PRDM16: variants seen among roughly 807,000 people sequenced by gnomAD.
PRDM16 encodes the protein histone-lysine N-methyltransferase PRDM16.
A neutral mutation model predicts 110.6 loss-of-function variants in PRDM16; 23 were observed. That is an observed-to-expected ratio of 0.21 (90% CI 0.15 to 0.29). The LOEUF is 0.29. Among genes scored for constraint, PRDM16 ranks in the 10% least tolerant of loss-of-function variants. The pLI is 1.00. For synonymous variants in PRDM16, 799 were observed against 781.8 expected (o/e 1.02, Z -0.37); for missense variants, 1,615 against 1,794.3 (o/e 0.90, Z 1.81).
intron 2 of PRDM16, among the ~76,000 whole-genome samples, chr1:3,219,066 C>T (rs964963915): frequency 1.3e-5 from 2 of 152,156 alleles, no homozygotes; most frequent in Non-Finnish European, 2.9e-5. Context: ...TGCACACTGC[C>T]GCGAGGAGGG....
chr1:3,345,653 C>T (rs372625563), intron 3 of PRDM16, among the ~76,000 whole-genome samples: 6 of 152,224 alleles, frequency 3.9e-5, no homozygotes, highest in East Asian at 3.8e-4. Context: ...AATGTGTCAC[C>T]GGGATGCAGC....
At chr1:3,094,572 A>G (rs937658081) in intron 1 of PRDM16, among the ~76,000 whole-genome samples, 1 of 152,216 alleles carries the variant, frequency 6.6e-6, no homozygotes, top group Non-Finnish European at 1.5e-5. Context: ...GGGACGCTAT[A>G]AAGCTTGGCC....
At chr1:3,328,524 TG>T (rs1455522216) in intron 3 of PRDM16, among the ~76,000 whole-genome samples, 5 of 152,198 alleles carry the variant, frequency 3.3e-5, no homozygotes, top group Non-Finnish European at 7.4e-5. Context: ...GGAGACCCTG[TG>T]GGTTCAAAGG....
In PRDM16 at chr1:3,411,675, C is replaced by G. The variant is rs368384353; in HGVS notation, c.1478C>G (p.Pro493Arg). Residue 493 changes from proline (P) to arginine (R), a missense_variant, in exon 9 of 17, where the codon CCG (proline) becomes CGG (arginine). Around this residue, in one of 5 missense-constraint regions of PRDM16, gnomAD observed 772 missense variants for 748.3 expected, o/e 1.03. Coordinates refer to ENST00000270722, the MANE Select transcript of PRDM16 (RefSeq NM_022114.4). ...TTCAACGAGTACTTTCCCTCCAGGC[C>G]GCACCCGGGGAGCCTGCCCTTCTCC... ...LGFNEYFPSR[P>R]HPGSLPFSTA... 11 of 1,611,790 alleles carry G rather than the reference C, an allele frequency of 6.8e-6. No individual in the cohort carries two copies. In the Admixed American group the frequency reaches 1.8e-4, roughly 27 times the overall value.
Position 3,165,239 on chromosome 1 carries a change from A to G in PRDM16, c.38-20886A>G, listed in dbSNP as rs146744082. Among the ~76,000 whole-genome samples, 89 of 139,098 alleles carry G rather than the reference A, an allele frequency of 6.4e-4. 2 individuals carry two copies. The highest frequency in any genetic ancestry group is 2.3e-3 in the East Asian group (8 of 3,468). The allele number at this position is 139,098 out of a possible 152,430, so 91.3% of individuals were successfully genotyped here. Reference sequence around the variant, plus strand: ...CATGGACTCACCTGGGCTCAGGGACAGTGACTTACCTGGGCTCAGGGACAG... The same window carrying G: ...CATGGACTCACCTGGGCTCAGGGACGGTGACTTACCTGGGCTCAGGGACAG... On this transcript the variant is annotated intron_variant, in intron 1 of 16. Transcript: ENST00000270722.
At chr1:3,189,019 C>T (rs942562597) in intron 2 of PRDM16, among the ~76,000 whole-genome samples, 2 of 152,214 alleles carry the variant, frequency 1.3e-5, no homozygotes, top group Non-Finnish European at 2.9e-5. Context: ...ATTGCTATTT[C>T]CCCCTGGTTT....
intron 16 of PRDM16, among the ~76,000 whole-genome samples, chr1:3,432,435 G>A (rs1236029120): frequency 1.3e-5 from 2 of 152,212 alleles, no homozygotes; most frequent in Non-Finnish European, 2.9e-5. Context: ...CTGTGAGCAG[G>A]TTTCTGGCCC....
intron 1 of PRDM16, among the ~76,000 whole-genome samples, chr1:3,161,188 G>A (rs74050140): frequency 0.013 from 2,035 of 152,284 alleles, 45 homozygotes; most frequent in African/African-American, 0.045. Context: ...GGAAAGTTCC[G>A]GCAGAACAGG....
chr1:3,075,105 C>A (rs1641867649), intron 1 of PRDM16, among the ~76,000 whole-genome samples: 1 of 152,270 alleles, frequency 6.6e-6, no homozygotes, highest in Non-Finnish European at 1.5e-5. Flanking sequence ...GGCTGGCCCG[C>A]CTGGCCGGCC....
chr1:3,352,642 T>C (rs1480782971), intron 3 of PRDM16, among the ~76,000 whole-genome samples: 2 of 152,258 alleles, frequency 1.3e-5, no homozygotes, highest in Non-Finnish European at 2.9e-5. Flanking sequence ...CCCGAATACT[T>C]GCGCTGGAAT....
chr1:3,205,699 C>T (rs113899766), intron 2 of PRDM16, among the ~76,000 whole-genome samples: 3 of 152,098 alleles, frequency 2.0e-5, no homozygotes, highest in South Asian at 2.1e-4. Flanking sequence ...AGGGCGGGCT[C>T]GGTGGAGGTA....
chr1:3,154,051 C>G (rs541767464), intron 1 of PRDM16, among the ~76,000 whole-genome samples: 1 of 152,204 alleles, frequency 6.6e-6, no homozygotes, highest in Non-Finnish European at 1.5e-5. Flanking sequence ...CTCCCCTTCC[C>G]GTGCACTCTC....
At chr1:3,249,676 C>G (rs918457829) in intron 3 of PRDM16, among the ~76,000 whole-genome samples, 3 of 152,168 alleles carry the variant, frequency 2.0e-5, no homozygotes, top group Non-Finnish European at 2.9e-5. Flanking sequence ...GAGACAGCCC[C>G]GAGTTGATTT....
rs1642539024 is a variant in PRDM16, at chr1:3,353,703, GT to G, written c.439-31448del. On this transcript the variant is annotated intron_variant, in intron 3 of 16. Coordinates refer to ENST00000270722, the MANE Select transcript of PRDM16 (RefSeq NM_022114.4). This position sits in a 1 kb window ranked among gnomAD's most constrained non-coding sequence, Gnocchi z 5.4. ...AACAGGACAATCCTAGCTCAGGCTG[GT>G]GGAGGTTTGGGGATGCCGAAGCAGC... Among the ~76,000 whole-genome samples, 1 of 152,224 alleles carries G rather than the reference GT, an allele frequency of 6.6e-6. No homozygotes were observed. Among genetic ancestry groups the G allele is most frequent in the South Asian group, 2.1e-4 (1 of 4,838 alleles).
intron 2 of PRDM16, among the ~76,000 whole-genome samples, chr1:3,237,537 A>T (rs1639564999): frequency 6.6e-6 from 1 of 152,212 alleles, no homozygotes; most frequent in African/African-American, 2.4e-5. Flanking sequence ...AAATGTCTCC[A>T]AGGCACTCTC....
intron 3 of PRDM16, among the ~76,000 whole-genome samples, chr1:3,277,796 A>AACGCACACACAG (rs1640625005): frequency 2.0e-5 from 3 of 151,774 alleles, no homozygotes; most frequent in African/African-American, 7.3e-5. Context: ...TGCACACACA[A>AACGCACACACAG]ACGCACAGTT....
rs763028317 is a variant in PRDM16 at position 3,411,899 on chromosome 1, G to A, written c.1702G>A (p.Gly568Ser). ...CTCCGCCGTCAGCAACAGCAGCCAG[G>A]GCACGACGGCAGCTGCGGGGCCCGA... is the stretch of plus-strand genomic sequence containing the variant. ...LVSAVSNSSQ[G>S]TTAAAGPEEK... The change falls in exon 9 of 17, where the codon GGC (glycine) becomes AGC (serine). Residue 568 changes from glycine to serine, a missense_variant. Transcript: ENST00000270722. The A allele has an allele frequency of 6.8e-6, 11 of 1,613,658 alleles. No homozygotes were observed. In the East Asian group the frequency reaches 8.9e-5, roughly 13 times the overall value.
At chr1:3,183,051 C>G (rs1644229564) in intron 1 of PRDM16, among the ~76,000 whole-genome samples, 1 of 152,232 alleles carries the variant, frequency 6.6e-6, no homozygotes, top group Non-Finnish European at 1.5e-5. Flanking sequence ...GATGTCAGGT[C>G]TCCTGACAAG....
intron 1 of PRDM16, among the ~76,000 whole-genome samples, chr1:3,115,633 G>A (rs891373959): frequency 6.6e-5 from 10 of 151,954 alleles, no homozygotes; most frequent in African/African-American, 1.9e-4. Context: ...CGGGGGCCAC[G>A]GAGGGTCTTG....
Sources: gnomAD v4.1 joint callset for allele counts (sites outside exome capture counted in the v4.1 genomes callset) on GRCh38, gnomAD v4.1.1 for gene constraint, gnomAD v4.1.1 regional missense constraint, Gnocchi (gnomAD v3.1) non-coding constraint, MANE v1.5 for transcripts, NCBI Gene and HGNC (gene_info 2026-07-23, HGNC 2026-07-21) for gene names.